LIPM: variants seen among roughly 807,000 people sequenced by gnomAD.
LIPM encodes the protein lipase family member M.
Under a neutral mutation model 42.4 loss-of-function variants are expected in LIPM, and 42 were observed. The observed-to-expected ratio is 0.99, with a 90% CI of 0.77 to 1.28. The LOEUF (loss-of-function observed/expected upper bound fraction) is 1.28. Among genes scored for constraint, LIPM ranks in the 50% most tolerant of loss-of-function variants. LIPM has a pLI of 0.00. For synonymous variants in LIPM, 177 were observed against 173.3 expected (o/e 1.02, Z -0.17); for missense variants, 524 against 520.1 (o/e 1.01, Z -0.07).
chr10:88,803,758 G>T (rs759385744), intron 1 of LIPM, among the ~76,000 whole-genome samples: 1 of 151,376 alleles, frequency 6.6e-6, no homozygotes, highest in Non-Finnish European at 1.5e-5. Flanking sequence ...TCATTGCCCT[G>T]TGCAGTAGAT....
intron 1 of LIPM, 61 bp from the exon 2 acceptor site, chr10:88,808,237 G>T: frequency 1.1e-6 from 1 of 909,624 alleles, no homozygotes; most frequent in African/African-American, 1.6e-5. Context: ...TCTTACTTTT[G>T]GATCATTGAG....
chr10:88,805,256 A>C (rs1346068807), intron 1 of LIPM, among the ~76,000 whole-genome samples: 2 of 152,214 alleles, frequency 1.3e-5, no homozygotes, highest in Non-Finnish European at 2.9e-5. Context: ...TAAAAGAAGA[A>C]AACATAAAAT....
chr10:88,817,893 T>C lies in LIPM; in HGVS notation c.999T>C (p.Asn333=). 6.4e-7 allele frequency: 1 copy of C among 1,550,534 alleles called. No homozygotes were observed. The highest frequency in any genetic ancestry group is 8.7e-7 in the Non-Finnish European group (1 of 1,146,036). Reference sequence around the variant, plus strand: ...AGACCAAAAATCTGGAAAAATGCAATCAGGTAAGAAAATCAAATACCATCT... The same window carrying C: ...AGACCAAAAATCTGGAAAAATGCAACCAGGTAAGAAAATCAAATACCATCT... The part of the protein sequence containing the change: ...GSETKNLEKC[N]QPTPVRYRVR... Residue 333 remains asparagine (N), a synonymous_variant, in exon 8 of 9, where the codon AAT becomes AAC. Coordinates refer to ENST00000404743, the MANE Select transcript of LIPM (RefSeq NM_001128215.1).
intron 7 of LIPM, among the ~76,000 whole-genome samples, chr10:88,817,410 C>T (rs896097919): frequency 1.3e-5 from 2 of 150,980 alleles, no homozygotes; most frequent in Non-Finnish European, 3.0e-5. Flanking sequence ...TAGGGAGAGA[C>T]AGAGAGAGAG....
Position 88,820,525 on chromosome 10 carries a change from G to A in LIPM, c.*24G>A. The A allele has an allele frequency of 6.5e-7, 1 of 1,541,886 alleles. No individual in the cohort carries two copies. Among genetic ancestry groups the A allele is most frequent in the Non-Finnish European group, 8.7e-7 (1 of 1,143,532 alleles). On this transcript the variant is annotated 3_prime_UTR_variant, in exon 9 of 9. Transcript: ENST00000404743. ...GAAGCATCTGACACTGACGATCTTA[G>A]GACAACCTCCTGAGGGATGGGGCTA...
intron 1 of LIPM, among the ~76,000 whole-genome samples, chr10:88,804,823 C>T (rs1843566753): frequency 6.6e-6 from 1 of 152,276 alleles, no homozygotes; most frequent in South Asian, 2.1e-4. Context: ...ATACAGCTGC[C>T]AATAGCCCAT....
At chr10:88,808,521 G>T in intron 2 of LIPM, 106 bp downstream of exon 2, 1 of 675,066 alleles carries the variant, frequency 1.5e-6, no homozygotes, top group Admixed American at 2.2e-5. Context: ...GCAGAGTGAG[G>T]TCCATTGTTC....
intron 2 of LIPM, among the ~76,000 whole-genome samples, chr10:88,812,510 TTTCCTTCCAATTATTTATTTGTTCATTTA>T (rs1420628924): frequency 6.6e-6 from 1 of 152,210 alleles, no homozygotes. Flanking sequence ...AATAAGAGCT[TTTCCTTCCAATTATTTATTTGTTCATTTA>T]TTTATTGGTC....
chr10:88,808,025 G>GCATATCTAA (rs1393236128), intron 1 of LIPM, among the ~76,000 whole-genome samples: 2 of 152,310 alleles, frequency 1.3e-5, no homozygotes, highest in African/African-American at 4.8e-5. Flanking sequence ...GTTGGAATTT[G>GCATATCTAA]CATATCTAAC....
chr10:88,817,188 T>A (rs1417794724), intron 7 of LIPM, among the ~76,000 whole-genome samples: 1 of 152,228 alleles, frequency 6.6e-6, no homozygotes, highest in Non-Finnish European at 1.5e-5. Context: ...TGGAGATAAT[T>A]ATGTTTCTAC....
Position 88,808,297 on chromosome 10 carries a change from G to C in LIPM, c.148-1G>C. 1 of 1,525,804 alleles carries C rather than the reference G, an allele frequency of 6.6e-7. No individual in the cohort carries two copies. Among genetic ancestry groups the C allele is most frequent in the Non-Finnish European group, 8.9e-7 (1 of 1,123,650 alleles). The allele number at this position is 1,525,804 out of a possible 1,614,324, so 94.5% of individuals were successfully genotyped here. ...TAAAAGAAATTGTGCTTTTTCCATA[G>C]AGTGAAATCATCCAACATCAAGGCT... On this transcript the variant is annotated splice_acceptor_variant, in intron 1 of 8. Coordinates refer to ENST00000404743, the MANE Select transcript of LIPM (RefSeq NM_001128215.1). LOFTEE classifies it high-confidence loss of function.
intron 4 of LIPM, among the ~76,000 whole-genome samples, chr10:88,814,848 C>A (rs1390373886): frequency 6.6e-6 from 1 of 152,082 alleles, no homozygotes; most frequent in Non-Finnish European, 1.5e-5. Context: ...TATAGCATAT[C>A]TCTCAATATA....
chr10:88,804,355 C>A (rs1422021690), intron 1 of LIPM, among the ~76,000 whole-genome samples: 1 of 152,148 alleles, frequency 6.6e-6, no homozygotes, highest in Non-Finnish European at 1.5e-5. Context: ...CTTCAGGAGT[C>A]TGTAGACTAA....
chr10:88,818,271 G>T (rs777727182), intron 8 of LIPM, among the ~76,000 whole-genome samples: 3 of 152,164 alleles, frequency 2.0e-5, no homozygotes, highest in Non-Finnish European at 4.4e-5. Context: ...CACAGTAAAA[G>T]GAACATTAAA....
intron 8 of LIPM, 79 bp from the exon 9 acceptor site, chr10:88,820,153 T>C (rs1481973972): frequency 8.4e-7 from 1 of 1,185,950 alleles, no homozygotes; most frequent in African/African-American, 1.5e-5. Flanking sequence ...GGCATGTTTA[T>C]TATGTCTATT....
At chr10:88,817,949 C>A in intron 8 of LIPM, 53 bp downstream of exon 8, 1 of 1,293,024 alleles carries the variant, frequency 7.7e-7, no homozygotes, top group Non-Finnish European at 1.1e-6. Context: ...AAATGTATGA[C>A]AGGGACGTTA....
intron 2 of LIPM, 131 bp from the exon 3 acceptor site, chr10:88,812,966 A>G: frequency 1.4e-6 from 1 of 738,802 alleles, no homozygotes; most frequent in South Asian, 1.9e-5. Context: ...ATTGGCCAAG[A>G]TAACTAAGCT....
rs746376038 is a variant in LIPM at position 88,820,351 on chromosome 10, C to T, written c.1122C>T (p.Asn374=). 3 of 1,552,312 alleles carry T rather than the reference C, an allele frequency of 1.9e-6. No homozygotes were observed. The South Asian group carries it at 3.6e-5, about 18-fold the overall frequency. Residue 374 remains asparagine (N), a synonymous_variant, in exon 9 of 9, where the codon AAC becomes AAT. Coordinates refer to ENST00000404743, the MANE Select transcript of LIPM (RefSeq NM_001128215.1). ...DVKMLLSEVT[N]LIYHKNIPEW... is the part of the protein sequence containing the mutation. ...AAATGCTGCTCTCTGAGGTGACCAACCTCATCTACCATAAGAATATTCCTG... is the reference window on the plus strand; with the variant it reads ...AAATGCTGCTCTCTGAGGTGACCAATCTCATCTACCATAAGAATATTCCTG...
intron 1 of LIPM, among the ~76,000 whole-genome samples, chr10:88,805,723 G>A (rs1162954198): frequency 6.6e-6 from 1 of 152,136 alleles, no homozygotes; most frequent in Non-Finnish European, 1.5e-5. Context: ...TCACCTTGCT[G>A]CATTATGTTC....
Sources: allele counts gnomAD v4.1 joint callset (sites outside exome capture counted in the v4.1 genomes callset), GRCh38; gene constraint gnomAD v4.1.1; transcripts MANE v1.5; gene names NCBI Gene and HGNC (gene_info 2026-07-23, HGNC 2026-07-21).